The following NEU4 variants were observed in gnomAD, a reference collection of about 807,000 sequenced individuals.
NEU4 encodes the protein sialidase-4.
Under a neutral mutation model 9.9 loss-of-function variants are expected in NEU4, and 7 were observed. The ratio of observed to expected loss-of-function variants is 0.71; its 90% CI spans 0.40 to 1.33. The LOEUF is 1.33. NEU4 is among the 40% of genes most tolerant of loss of function. NEU4 has a pLI of 0.01. For synonymous variants in NEU4, 348 were observed against 316.9 expected (o/e 1.10, Z -1.04); for missense variants, 717 against 712.6 (o/e 1.01, Z -0.07).
rs1028692617 is a variant in NEU4 at position 241,816,709 on chromosome 2, C to T, written c.1116C>T (p.Pro372=). 1.0e-5 allele frequency: 16 copies of T among 1,541,504 alleles called. No individual in the cohort carries two copies. Among genetic ancestry groups the T allele is most frequent in the South Asian group, 1.2e-5 (1 of 81,382 alleles). ...TCCCCATGCCCTTTGCTGCCCCGCC[C>T]CAGAGCCCCACGTGGCTGCTGTACT... is the stretch of plus-strand genomic sequence containing the variant. The part of the protein sequence containing the change: ...LALPMPFAAP[P]QSPTWLLYSH... Residue 372 remains proline, a synonymous_variant, in exon 4 of 4, where the codon CCC becomes CCT. Transcript: ENST00000407683.
Position 241,816,723 on chromosome 2 carries a change from G to T in NEU4, c.1130G>T (p.Trp377Leu). The T allele has an allele frequency of 6.4e-7, 1 of 1,557,468 alleles. No individual in the cohort carries two copies. ...PFAAPPQSPTWLLYSHPVGRR... is the reference protein window; with the variant it reads ...PFAAPPQSPTLLLYSHPVGRR... ...GCTGCCCCGCCCCAGAGCCCCACGT[G>T]GCTGCTGTACTCCCACCCAGTGGGG... Residue 377 changes from tryptophan to leucine, a missense_variant, in exon 4 of 4, where the codon TGG (tryptophan) becomes TTG (leucine). Trp to Leu is a moderately conservative substitution (Grantham distance 61). Coordinates refer to ENST00000407683, the MANE Select transcript of NEU4 (RefSeq NM_001167600.3).
intron 1 of NEU4, chr2:241,810,898 G>A (rs1187668297): frequency 1.0e-6 from 1 of 986,600 alleles, no homozygotes; most frequent in Non-Finnish European, 1.2e-6. Flanking sequence ...CTGTGCTGGG[G>A]AGGGGTCACC....
chr2:241,809,398 C>G (rs1332363764), intron 1 of NEU4, 124 bp downstream of exon 1: 1 of 462,848 alleles, frequency 2.2e-6, no homozygotes, highest in Admixed American at 3.0e-5. Context: ...GGTTAAAATG[C>G]TGCCACGTCG....
chr2:241,809,375 A>G (rs139731536), intron 1 of NEU4, 101 bp downstream of exon 1: 179 of 580,988 alleles, frequency 3.1e-4, no homozygotes, highest in Admixed American at 6.4e-4. Flanking sequence ...CGGGCTGTGC[A>G]TTGAGAAGGG....
chr2:241,815,654 C>A, intron 3 of NEU4: 1 of 518,552 alleles, frequency 1.9e-6, no homozygotes, highest in Non-Finnish European at 3.8e-6. Context: ...CCTGGCCAGG[C>A]CTCACCCACA....
chr2:241,809,936 G>A (rs1700059729), intron 1 of NEU4: 1 of 153,174 alleles, frequency 6.5e-6, no homozygotes, highest in African/African-American at 2.4e-5. Flanking sequence ...GTGACGTGGG[G>A]CTTGGAGGTC....
At position 241,816,691 on chromosome 2, in the gene NEU4, G is replaced by A. The variant is rs1465057886; in HGVS notation, c.1098G>A (p.Met366Ile). The change falls in exon 4 of 4, where the codon ATG becomes ATA. Residue 366 changes from methionine to isoleucine, a missense_variant. Transcript: ENST00000407683. ...GGTCCTGGACCCTGGCACTCCCCAT[G>A]CCCTTTGCTGCCCCGCCCCAGAGCC... ...DVGSWTLALP[M>I]PFAAPPQSPT... The A allele has an allele frequency of 1.2e-5, 18 of 1,528,368 alleles. No individual in the cohort carries two copies. Among genetic ancestry groups the A allele is most frequent in the Non-Finnish European group, 1.5e-5 (17 of 1,140,740 alleles). 94.7% of individuals were successfully genotyped at this position (1,528,368 alleles called of 1,614,324 possible). A position where few individuals can be genotyped will look rare whatever the true frequency, so the allele number is the denominator to read the frequency against.
rs752610100 is a variant in NEU4 at position 241,816,772 on chromosome 2, T to C, written c.1179T>C (p.Gly393=). Reference sequence around the variant, plus strand: ...GGCGCAGGGCTCGGCTACACATGGGTATCCGCCTGAGCCAGTCCCCGCTGG... The same window carrying C: ...GGCGCAGGGCTCGGCTACACATGGGCATCCGCCTGAGCCAGTCCCCGCTGG... ...PVGRRARLHM[G]IRLSQSPLDP... is the part of the protein sequence containing the mutation. The change falls in exon 4 of 4, where the codon GGT becomes GGC. Residue 393 remains glycine (G), a synonymous_variant. Coordinates refer to ENST00000407683, the MANE Select transcript of NEU4 (RefSeq NM_001167600.3). 1 of 1,584,900 alleles carries C rather than the reference T, an allele frequency of 6.3e-7. No homozygotes were observed. Among genetic ancestry groups the C allele is most frequent in the East Asian group, 2.3e-5 (1 of 42,868 alleles).
Position 241,817,135 on chromosome 2 carries a change from G to C in NEU4, c.*87G>C. 1 of 1,360,438 alleles carries C rather than the reference G, an allele frequency of 7.4e-7. No individual in the cohort carries two copies. The highest frequency in any genetic ancestry group is 9.7e-7 in the Non-Finnish European group (1 of 1,026,604). The allele number at this position is 1,360,438 out of a possible 1,614,324, so 84.3% of individuals were successfully genotyped here. ...GGGTGCCCCACGATAGCTGTGGGGG[G>C]GGCTCTTAGTGCAGGATCCTGTGGA... On this transcript the variant is annotated 3_prime_UTR_variant, in exon 4 of 4. Coordinates refer to ENST00000407683, the MANE Select transcript of NEU4 (RefSeq NM_001167600.3).
chr2:241,811,380 C>T lies in NEU4; in HGVS notation c.-4+2106C>T, dbSNP rs112136663. 3,110 of 1,496,494 alleles carry T rather than the reference C, an allele frequency of 2.1e-3. 50 individuals carry two copies. The African/African-American group carries it at 0.037, about 18-fold the overall frequency. 92.7% of individuals were successfully genotyped at this position (1,496,494 alleles called of 1,614,324 possible). Reference sequence around the variant, plus strand: ...GTGGCCAGCTCCCTGGCCTGCTGCCCGCACAGTGGGCCCTTGTCTCTGCTC... The same window carrying T: ...GTGGCCAGCTCCCTGGCCTGCTGCCTGCACAGTGGGCCCTTGTCTCTGCTC... On this transcript the variant is annotated intron_variant, in intron 1 of 3. Coordinates refer to ENST00000407683, the MANE Select transcript of NEU4 (RefSeq NM_001167600.3).
Position 241,816,680 on chromosome 2 carries a change from G to A in NEU4, c.1087G>A (p.Ala363Thr). The A allele has an allele frequency of 1.3e-6, 2 of 1,525,010 alleles. No individual in the cohort carries two copies. Among genetic ancestry groups the A allele is most frequent in the Non-Finnish European group, 1.8e-6 (2 of 1,139,784 alleles). The allele number at this position is 1,525,010 out of a possible 1,614,324, so 94.5% of individuals were successfully genotyped here. A position where few individuals can be genotyped will look rare whatever the true frequency, so the allele number is the denominator to read the frequency against. ...VSGDVGSWTL[A>T]LPMPFAAPPQ... is the part of the protein sequence containing the mutation. The stretch of plus-strand genomic sequence containing the variant: ...TGGGGATGTGGGGTCCTGGACCCTG[G>A]CACTCCCCATGCCCTTTGCTGCCCC... Residue 363 changes from alanine (A) to threonine (T), a missense_variant, in exon 4 of 4, where the codon GCA (alanine) becomes ACA (threonine). Coordinates refer to ENST00000407683, the MANE Select transcript of NEU4 (RefSeq NM_001167600.3).
At chr2:241,814,154 G>GC (rs760395900) in intron 1 of NEU4, 3 of 633,554 alleles carry the variant, frequency 4.7e-6, no homozygotes, top group African/African-American at 1.8e-5. Flanking sequence ...GCAGGGTCCC[G>GC]GGGGCTCTCT....
rs1700383764 is a variant in NEU4 at position 241,817,138 on chromosome 2, C to G, written c.*90C>G. 2 of 1,341,402 alleles carry G rather than the reference C, an allele frequency of 1.5e-6. No homozygotes were observed. The highest frequency in any genetic ancestry group is 2.0e-6 in the Non-Finnish European group (2 of 1,009,956). 83.1% of individuals were successfully genotyped at this position (1,341,402 alleles called of 1,614,324 possible). On this transcript the variant is annotated 3_prime_UTR_variant, in exon 4 of 4. Coordinates refer to ENST00000407683, the MANE Select transcript of NEU4 (RefSeq NM_001167600.3). ...TGCCCCACGATAGCTGTGGGGGGGG[C>G]TCTTAGTGCAGGATCCTGTGGATTA... is the stretch of plus-strand genomic sequence containing the variant.
chr2:241,814,684 G>C lies in NEU4; in HGVS notation c.200G>C (p.Arg67Pro), dbSNP rs1045117004. Residue 67 changes from arginine to proline, a missense_variant and splice_region_variant, in exon 2 of 4, where the codon CGG becomes CCG. Physicochemically the swap from Arg to Pro is moderately radical, Grantham distance 103. Coordinates refer to ENST00000407683, the MANE Select transcript of NEU4 (RefSeq NM_001167600.3). ...GGCACGCTGGCCGGGGGCTCCGTGCGGGTGAGTGAGTGGCCGGGGGCTCTG... is the reference window on the plus strand; with the variant it reads ...GGCACGCTGGCCGGGGGCTCCGTGCCGGTGAGTGAGTGGCCGGGGGCTCTG... ...RRGTLAGGSV[R>P]WGALHVLGTA... The C allele has an allele frequency of 2.6e-6, 4 of 1,547,372 alleles. No individual in the cohort carries two copies. Among genetic ancestry groups the C allele is most frequent in the Non-Finnish European group, 2.6e-6 (3 of 1,149,010 alleles).
rs570276083 is a variant in NEU4, at chr2:241,816,391, G to A, written c.798G>A (p.Val266=). 102 of 1,600,532 alleles carry A rather than the reference G, an allele frequency of 6.4e-5. 2 individuals are homozygous for A. In the South Asian group the frequency reaches 1.1e-3, roughly 17 times the overall value. ...EGTSFLPAER[V]ASLPETAWGC... is the part of the protein sequence containing the mutation. ...CCTCCTTCCTGCCCGCAGAGCGCGT[G>A]GCTTCCCTGCCCGAGACTGCCTGGG... Residue 266 remains valine (V), a synonymous_variant, in exon 4 of 4, where the codon GTG becomes GTA. Transcript: ENST00000407683.
chr2:241,816,095 C>T lies in NEU4; in HGVS notation c.502C>T (p.Pro168Ser), dbSNP rs548438682. 14 of 1,610,442 alleles carry T rather than the reference C, an allele frequency of 8.7e-6. No individual in the cohort carries two copies. The African/African-American group carries it at 1.6e-4, about 18-fold the overall frequency. Residue 168 changes from proline to serine, a missense_variant, in exon 4 of 4, where the codon CCC (proline) becomes TCC (serine). Transcript: ENST00000407683. ...GGGTCCCGGCCACGGTGTGCAGCTG[C>T]CCTCAGGCCGCCTGCTGGTACCCGC... ...AVGPGHGVQL[P>S]SGRLLVPAYT...
At chr2:241,812,218 C>T (rs909454777) in intron 1 of NEU4, among the ~76,000 whole-genome samples, 7 of 151,888 alleles carry the variant, frequency 4.6e-5, no homozygotes, top group African/African-American at 1.5e-4. Context: ...GGGGGGTGGT[C>T]TGTGATGGCC....
At chr2:241,814,154 G>C in intron 1 of NEU4, 1 of 633,552 alleles carries the variant, frequency 1.6e-6, no homozygotes, top group Non-Finnish European at 3.0e-6. Flanking sequence ...GCAGGGTCCC[G>C]GGGGCTCTCT....
intron 1 of NEU4, chr2:241,810,521 A>G (rs1171122750): frequency 1.3e-5 from 2 of 152,322 alleles, no homozygotes; most frequent in African/African-American, 4.8e-5. Flanking sequence ...TGCCCTTCGC[A>G]GGGGAGGGAG....
Sources: allele counts gnomAD v4.1 joint callset (sites outside exome capture counted in the v4.1 genomes callset), GRCh38; gene constraint gnomAD v4.1.1; transcripts MANE v1.5; gene names NCBI Gene and HGNC (gene_info 2026-07-23, HGNC 2026-07-21).